Variants in GSE1 observed in about 807,000 individuals in gnomAD.
GSE1 encodes Gse1 coiled-coil protein.
Under a neutral mutation model 112.6 loss-of-function variants are expected in GSE1, and 32 were observed. That is an observed-to-expected ratio of 0.28 (90% confidence interval 0.21 to 0.38). The LOEUF (loss-of-function observed/expected upper bound fraction) is 0.38. Among genes scored for constraint, GSE1 ranks in the 10% least tolerant of loss-of-function variants. GSE1 has a pLI of 1.00. For missense variants in GSE1, 2,348 were observed against 1,699.2 expected (o/e 1.38, Z -6.71); for synonymous variants, 1,115 against 735.6 (o/e 1.52, Z -8.35).
At chr16:85,336,287 G>GATTATTCATTCAACAAATGTTC (rs1336801996) in intron 1 of GSE1, among the ~76,000 whole-genome samples, 18 of 152,186 alleles carry the variant, frequency 1.2e-4, no homozygotes, top group Non-Finnish European at 2.6e-4. Context: ...TCGTTCCCTT[G>GATTATTCATTCAACAAATGTTC]ATTATTCATT....
chr16:85,192,276 C>G (rs1182141360), intron 1 of GSE1, among the ~76,000 whole-genome samples: 2 of 152,244 alleles, frequency 1.3e-5, no homozygotes, highest in East Asian at 1.9e-4. Flanking sequence ...AATCGGGGCT[C>G]TACCCCTTGC....
chr16:85,475,417 C>T (rs1438977333), intron 2 of GSE1, among the ~76,000 whole-genome samples: 4 of 152,248 alleles, frequency 2.6e-5, no homozygotes, highest in African/African-American at 9.6e-5. Context: ...CGTGTTTGTC[C>T]TGTAGAGGCA....
chr16:85,289,754 C>T (rs1206833511), intron 1 of GSE1, among the ~76,000 whole-genome samples: 1 of 152,124 alleles, frequency 6.6e-6, no homozygotes, highest in African/African-American at 2.4e-5. Flanking sequence ...GGCAGTCGCC[C>T]GATGAGGAAC....
chr16:85,371,394 C>T (rs1441066767), intron 2 of GSE1, among the ~76,000 whole-genome samples: 1 of 152,172 alleles, frequency 6.6e-6, no homozygotes, highest in African/African-American at 2.4e-5. Context: ...GACAGAGGGC[C>T]GAGCTGTGAC....
At chr16:85,212,794 C>T (rs980803210) in intron 1 of GSE1, among the ~76,000 whole-genome samples, 9 of 151,920 alleles carry the variant, frequency 5.9e-5, no homozygotes, top group African/African-American at 1.7e-4. Context: ...GAAGAGGGGG[C>T]GTCTGTGTTT....
intron 2 of GSE1, among the ~76,000 whole-genome samples, chr16:85,492,330 C>T (rs748041875): frequency 6.6e-6 from 1 of 152,170 alleles, no homozygotes; most frequent in Non-Finnish European, 1.5e-5. Flanking sequence ...ATTCTGTCCC[C>T]GCCAGCAGGC....
At chr16:85,647,336 C>A (rs72801194) in intron 2 of GSE1, among the ~76,000 whole-genome samples, 1 of 152,188 alleles carries the variant, frequency 6.6e-6, no homozygotes, top group Non-Finnish European at 1.5e-5. Context: ...GGGGTTCTTT[C>A]TGAGGCGACG....
In GSE1 at chr16:85,266,852, C is replaced by A. The variant is rs147668931; in HGVS notation, c.2284-90611C>A. Among the ~76,000 whole-genome samples, 394 of 152,246 alleles carry A rather than the reference C, an allele frequency of 2.6e-3. 5 individuals are homozygous for A. Among genetic ancestry groups the A allele is most frequent in the African/African-American group, 8.7e-3 (363 of 41,548 alleles). On this transcript the variant is annotated intron_variant, in intron 1 of 2. Transcript: ENST00000637419. ...GAGGCTGAGGACTGGAGCCACACAA[C>A]CAGCTGGTGGGGAGTGGAAACCGAC...
intron 2 of GSE1, among the ~76,000 whole-genome samples, chr16:85,457,077 G>A (rs192890490): frequency 4.3e-4 from 65 of 152,320 alleles, no homozygotes; most frequent in African/African-American, 1.5e-3. Context: ...CTGCCTGCTC[G>A]GGGTGGCTGT....
At chr16:85,670,355 C>T (rs1289862337) in intron 14 of GSE1, among the ~76,000 whole-genome samples, 3 of 152,186 alleles carry the variant, frequency 2.0e-5, no homozygotes, top group Non-Finnish European at 4.4e-5. Context: ...TGAAGGTTCC[C>T]ATTTCCGGAG....
intron 2 of GSE1, among the ~76,000 whole-genome samples, chr16:85,443,319 C>A (rs962903269): frequency 6.6e-6 from 1 of 152,242 alleles, no homozygotes; most frequent in Non-Finnish European, 1.5e-5. Flanking sequence ...TCCCTGTACC[C>A]CAAGAGGCAG....
intron 1 of GSE1, among the ~76,000 whole-genome samples, chr16:85,348,800 C>A (rs1380880717): frequency 6.6e-6 from 1 of 152,210 alleles, no homozygotes; most frequent in South Asian, 2.1e-4. Flanking sequence ...AACTTGAAGC[C>A]TGGGACAGAA....
chr16:85,648,948 A>G (rs1426119246), intron 3 of GSE1, among the ~76,000 whole-genome samples, 197 bp downstream of exon 3: 1 of 151,930 alleles, frequency 6.6e-6, no homozygotes, highest in African/African-American at 2.4e-5. Context: ...GGGTGAGTAC[A>G]TCGGCCCACG....
In GSE1 at chr16:85,616,467, C is replaced by T. The variant is rs139715816; in HGVS notation, c.7+3069C>T. On this transcript the variant is annotated intron_variant, in intron 1 of 15. Transcript: ENST00000253458. ...TTCCCAGCCTGGGTTACTCGAAGTCCAAGGATCAAACCCTGGGATCGGGCC... is the reference window on the plus strand; with the variant it reads ...TTCCCAGCCTGGGTTACTCGAAGTCTAAGGATCAAACCCTGGGATCGGGCC... 3.9e-3 allele frequency among the ~76,000 whole-genome samples: 596 copies of T among 152,304 alleles called. 5 individuals are homozygous for T. The highest frequency in any genetic ancestry group is 0.014 in the African/African-American group (570 of 41,572).
intron 2 of GSE1, among the ~76,000 whole-genome samples, chr16:85,635,590 G>C (rs566327635): frequency 6.6e-6 from 1 of 152,216 alleles, no homozygotes; most frequent in African/African-American, 2.4e-5. Context: ...TCTCCTGAGA[G>C]GGGTGGAGAG....
At chr16:85,526,717 A>T (rs991442198) in intron 2 of GSE1, among the ~76,000 whole-genome samples, 28 of 152,304 alleles carry the variant, frequency 1.8e-4, no homozygotes, top group African/African-American at 6.7e-4. Context: ...ATAAGAAAGA[A>T]TTCAAACCAG....
chr16:85,596,912 T>C (rs879598711), intron 1 of GSE1, among the ~76,000 whole-genome samples: 5 of 151,326 alleles, frequency 3.3e-5, no homozygotes, highest in Non-Finnish European at 7.4e-5. Context: ...GGCACACACC[T>C]GTAATCCCAG....
intron 2 of GSE1, among the ~76,000 whole-genome samples, chr16:85,508,980 A>G (rs2051639266): frequency 6.6e-6 from 1 of 152,162 alleles, no homozygotes; most frequent in Non-Finnish European, 1.5e-5. Flanking sequence ...TGGCTGGGTC[A>G]CAGTGGATAT....
intron 2 of GSE1, among the ~76,000 whole-genome samples, chr16:85,453,853 G>A (rs1407050754): frequency 6.6e-6 from 1 of 152,208 alleles, no homozygotes; most frequent in Non-Finnish European, 1.5e-5. Context: ...CTTGGACCTG[G>A]TGGGGGCTCA....
Sources: allele counts gnomAD v4.1 joint callset (sites outside exome capture counted in the v4.1 genomes callset), GRCh38; gene constraint gnomAD v4.1.1; transcripts MANE v1.5; gene names NCBI Gene and HGNC (gene_info 2026-07-23, HGNC 2026-07-21).